The following VDAC2 variants were observed in gnomAD, a reference collection of about 807,000 sequenced individuals.
VDAC2 encodes the protein voltage dependent anion channel 2, also known as non-selective voltage-gated ion channel VDAC2.
A neutral mutation model predicts 36.6 loss-of-function variants in VDAC2; 6 were observed. That is an observed-to-expected ratio of 0.16 (90% CI 0.09 to 0.32). VDAC2 has a LOEUF of 0.32. Among genes scored for constraint, VDAC2 ranks in the 10% least tolerant of loss-of-function variants. The probability of loss-of-function intolerance (pLI) is 1.00; values close to 1 mark genes in which losing one functional copy is unlikely to be tolerated. For missense variants in VDAC2, 247 were observed against 346.0 expected, an observed-to-expected ratio of 0.71 and a Z score of 2.27; for synonymous variants, 109 against 123.8, an observed-to-expected ratio of 0.88 and a Z score of 0.79.
chr10:75,216,775 G>T (rs995283646), intron 4 of VDAC2, among the ~76,000 whole-genome samples: 2 of 152,170 alleles, frequency 1.3e-5, no homozygotes, highest in African/African-American at 4.8e-5. Context: ...TGTCATTCAG[G>T]ATTAAAAATA....
chr10:75,217,007 C>T (rs938981916), intron 4 of VDAC2, among the ~76,000 whole-genome samples: 3 of 152,118 alleles, frequency 2.0e-5, no homozygotes, highest in African/African-American at 4.8e-5. Flanking sequence ...GTAATCCCAG[C>T]GCTTTGGGAG....
chr10:75,219,440 A>G (rs139668350), intron 6 of VDAC2, 84 bp downstream of exon 6: 61 of 1,139,300 alleles, frequency 5.4e-5, no homozygotes, highest in Non-Finnish European at 7.3e-5. Context: ...TTACTGTTTG[A>G]TAGCTTATTA....
intron 4 of VDAC2, among the ~76,000 whole-genome samples, chr10:75,215,727 T>C (rs1354692987): frequency 6.6e-6 from 1 of 150,434 alleles, no homozygotes; most frequent in Non-Finnish European, 1.5e-5. Context: ...TTTTGTTTTT[T>C]TTTTTTTCCT....
At chr10:75,217,862 A>G in intron 4 of VDAC2, 1 of 1,239,632 alleles carries the variant, frequency 8.1e-7, no homozygotes, top group South Asian at 1.3e-5. Flanking sequence ...CTATTGATAC[A>G]ATTTTTGATA....
chr10:75,230,395 A>C (rs1230967316), intron 9 of VDAC2, among the ~76,000 whole-genome samples: 1 of 152,232 alleles, frequency 6.6e-6, no homozygotes, highest in Non-Finnish European at 1.5e-5. Context: ...CTTTTAAAAA[A>C]ATGTATGTTT....
At chr10:75,218,974 C>A in intron 4 of VDAC2, 89 bp from the exon 5 acceptor site, 2 of 1,343,332 alleles carry the variant, frequency 1.5e-6, no homozygotes, top group Non-Finnish European at 2.0e-6. Context: ...CCAAATGTTT[C>A]AGGGGGTTTG....
chr10:75,211,061 T>C, intron 1 of VDAC2, 73 bp from the exon 2 acceptor site: 9 of 1,411,948 alleles, frequency 6.4e-6, no homozygotes, highest in Non-Finnish European at 8.6e-6. Context: ...CCGCGGCCCC[T>C]CGCCCCTCTC....
chr10:75,214,171 G>A, intron 4 of VDAC2, 101 bp downstream of exon 4: 2 of 1,256,712 alleles, frequency 1.6e-6, no homozygotes, highest in South Asian at 1.3e-5. Context: ...TCTTAAAGAA[G>A]AGGCAGAAGT....
At chr10:75,213,960 T>C in intron 3 of VDAC2, 61 bp from the exon 4 acceptor site, 1 of 1,544,142 alleles carries the variant, frequency 6.5e-7, no homozygotes, top group Non-Finnish European at 8.9e-7. Context: ...TAGTCAACAA[T>C]TGCTATGCAT....
chr10:75,220,631 G>T, intron 6 of VDAC2, 112 bp from the exon 7 acceptor site: 2 of 864,936 alleles, frequency 2.3e-6, no homozygotes, highest in Non-Finnish European at 3.6e-6. Flanking sequence ...TTATTGTATT[G>T]CTGATTTTTA....
intron 8 of VDAC2, among the ~76,000 whole-genome samples, chr10:75,223,039 A>T (rs1287598039): frequency 6.9e-6 from 1 of 144,688 alleles, no homozygotes; most frequent in Non-Finnish European, 1.5e-5. Flanking sequence ...GGGGTGCAGT[A>T]GTGCGATCTT....
chr10:75,223,056 C>T (rs542176806), intron 8 of VDAC2, among the ~76,000 whole-genome samples: 1 of 151,290 alleles, frequency 6.6e-6, no homozygotes, highest in South Asian at 2.1e-4. Flanking sequence ...TCTTGGCTCA[C>T]TGCAACCTCC....
chr10:75,230,018 T>G (rs1842060938), intron 9 of VDAC2, among the ~76,000 whole-genome samples: 1 of 152,196 alleles, frequency 6.6e-6, no homozygotes. Flanking sequence ...TTTCCTCGCT[T>G]GTATCTGAAA....
At chr10:75,213,127 G>A (rs185211728) in intron 3 of VDAC2, among the ~76,000 whole-genome samples, 1 of 152,198 alleles carries the variant, frequency 6.6e-6, no homozygotes, top group African/African-American at 2.4e-5. Flanking sequence ...TGCCCAGGCT[G>A]GAGTACAGGG....
chr10:75,218,022 A>C lies in VDAC2; in HGVS notation c.151-1041A>C, dbSNP rs1211343865. 3.9e-6 allele frequency: 4 copies of C among 1,034,026 alleles called. No homozygotes were observed. The African/African-American group carries it at 5.0e-5, about 13-fold the overall frequency. The allele number at this position is 1,034,026 out of a possible 1,614,324, so 64.1% of individuals were successfully genotyped here. A position where few individuals can be genotyped will look rare whatever the true frequency, so the allele number is the denominator to read the frequency against. On this transcript the variant is annotated intron_variant, in intron 4 of 9. Coordinates refer to ENST00000332211, the MANE Select transcript of VDAC2 (RefSeq NM_001391963.1). ...TGGATCACTTGAGCCTGGGAGGTTG[A>C]GGCTGCAGTCAGCTGTGATCACATC...
At chr10:75,222,956 T>G (rs1267225923) in intron 8 of VDAC2, among the ~76,000 whole-genome samples, 3 of 151,712 alleles carry the variant, frequency 2.0e-5, no homozygotes, top group Non-Finnish European at 4.4e-5. Flanking sequence ...TGCACCTGGC[T>G]AGTATTTTAA....
In VDAC2 at chr10:75,222,324, T is replaced by C. The variant is rs987585546; in HGVS notation, c.657T>C (p.Leu219=). The change falls in exon 8 of 10, where the codon CTT becomes CTC. Residue 219 remains leucine, a synonymous_variant. Coordinates refer to ENST00000332211, the MANE Select transcript of VDAC2 (RefSeq NM_001391963.1). ...VCEDLDTSVN[L]AWTSGTNCTR... ...AAGATCTTGACACTTCAGTAAACCT[T>C]GCTTGGACATCAGGTACCAACTGCA... 5.6e-6 allele frequency: 9 copies of C among 1,614,056 alleles called. No individual in the cohort carries two copies. The highest frequency in any genetic ancestry group is 7.6e-6 in the Non-Finnish European group (9 of 1,180,010).
At chr10:75,229,400 T>A (rs567953521) in intron 8 of VDAC2, 58 of 347,016 alleles carry the variant, frequency 1.7e-4, no homozygotes, top group African/African-American at 1.2e-3. Flanking sequence ...ATGGACAGTT[T>A]GGGGTCTTTG....
chr10:75,214,773 C>T (rs896736010), intron 4 of VDAC2, among the ~76,000 whole-genome samples: 2 of 152,224 alleles, frequency 1.3e-5, no homozygotes, highest in East Asian at 1.9e-4. Flanking sequence ...GATCCACCCA[C>T]CTTGGCCTCC....
Sources: allele counts gnomAD v4.1 joint callset (sites outside exome capture counted in the v4.1 genomes callset), GRCh38; gene constraint gnomAD v4.1.1; transcripts MANE v1.5; gene names NCBI Gene and HGNC (gene_info 2026-07-23, HGNC 2026-07-21).